The following ADARB2 variants were observed in gnomAD, a reference collection of about 807,000 sequenced individuals.
ADARB2 encodes inactive double-stranded RNA-specific editase B2.
Under a neutral mutation model 62.2 loss-of-function variants are expected in ADARB2, and 25 were observed. The ratio of observed to expected loss-of-function variants is 0.40; its 90% CI spans 0.29 to 0.56. The LOEUF (loss-of-function observed/expected upper bound fraction) is 0.56, where lower values mean the gene tolerates loss of function less well. Ranked by LOEUF, ADARB2 falls within the 20% of genes least tolerant of loss-of-function variation. ADARB2 has a pLI of 0.43. For missense variants in ADARB2, 1,071 were observed against 1,077.4 expected, an observed-to-expected ratio of 0.99 and a Z score of 0.08; for synonymous variants, 572 against 500.8, an observed-to-expected ratio of 1.14 and a Z score of -1.90.
At chr10:1,328,164 G>T (rs1311560031) in intron 3 of ADARB2, among the ~76,000 whole-genome samples, 4 of 152,228 alleles carry the variant, frequency 2.6e-5, no homozygotes, top group Non-Finnish European at 5.9e-5. Flanking sequence ...TGAAATAGAG[G>T]AGTCAGTGTG....
In ADARB2 at chr10:1,247,992, A is replaced by G. The variant is rs1446874304; in HGVS notation, c.1193-5693T>C. On this transcript the variant is annotated intron_variant, in intron 4 of 9. Transcript: ENST00000381312. ...ATGCCAAGCCGTATGGACACCAAAA[A>G]TGCTCTGCACTCAATGAGCAATGCT... is the stretch of plus-strand genomic sequence containing the variant. Among the ~76,000 whole-genome samples the G allele has an allele frequency of 2.0e-5, 3 of 152,220 alleles. 1 individual carries two copies. The highest frequency in any genetic ancestry group is 4.1e-4 in the South Asian group (2 of 4,828).
chr10:1,539,796 T>C (rs4448618), intron 1 of ADARB2, among the ~76,000 whole-genome samples: 1 of 152,240 alleles, frequency 6.6e-6, no homozygotes, highest in Non-Finnish European at 1.5e-5. Flanking sequence ...AATTACATAA[T>C]GTAAAACAAA....
chr10:1,543,323 C>T (rs1832468257), intron 1 of ADARB2, among the ~76,000 whole-genome samples: 1 of 152,346 alleles, frequency 6.6e-6, no homozygotes, highest in East Asian at 1.9e-4. Context: ...GTCTGCAGTG[C>T]AGTCAAGGCC....
At chr10:1,380,593 A>G (rs1417602566) in intron 1 of ADARB2, among the ~76,000 whole-genome samples, 2 of 152,206 alleles carry the variant, frequency 1.3e-5, no homozygotes, top group Non-Finnish European at 2.9e-5. Flanking sequence ...CTCCTTAGCC[A>G]AGATTTCCAG....
chr10:1,727,193 A>G (rs537321558), intron 1 of ADARB2, among the ~76,000 whole-genome samples: 39 of 152,334 alleles, frequency 2.6e-4, no homozygotes, highest in African/African-American at 9.1e-4. Context: ...GACAATCTCT[A>G]TGCTGGTTTC....
intron 1 of ADARB2, among the ~76,000 whole-genome samples, chr10:1,518,665 A>T (rs555215725): frequency 1.1e-3 from 158 of 146,912 alleles, no homozygotes; most frequent in African/African-American, 2.1e-3. Context: ...GCCATATGCA[A>T]GTATTCCGTG....
chr10:1,210,034 G>A (rs1837128578), intron 7 of ADARB2, among the ~76,000 whole-genome samples: 1 of 151,852 alleles, frequency 6.6e-6, no homozygotes, highest in Non-Finnish European at 1.5e-5. Context: ...CCAGAAGAAG[G>A]TCTGCTGTCA....
At chr10:1,633,293 T>C (rs1217416525) in intron 1 of ADARB2, among the ~76,000 whole-genome samples, 1 of 152,104 alleles carries the variant, frequency 6.6e-6, no homozygotes, top group African/African-American at 2.4e-5. Flanking sequence ...AACCTCCCCA[T>C]ACACAGGTTG....
chr10:1,199,005 C>T lies in ADARB2; in HGVS notation c.1864+961G>A, dbSNP rs973373742. Among the ~76,000 whole-genome samples the T allele has an allele frequency of 6.6e-5, 10 of 152,218 alleles. 1 individual carries two copies. The highest frequency in any genetic ancestry group is 8.8e-5 in the Non-Finnish European group (6 of 68,050). On this transcript the variant is annotated intron_variant, in intron 8 of 9. Transcript: ENST00000381312. Reference sequence around the variant, plus strand: ...GAGCGGGGATGGCCTAAGGAAAACGCGCAGAAAAAGAGTGCAGGAGCCACT... The same window carrying T: ...GAGCGGGGATGGCCTAAGGAAAACGTGCAGAAAAAGAGTGCAGGAGCCACT...
At chr10:1,457,379 C>G (rs909392535) in intron 1 of ADARB2, among the ~76,000 whole-genome samples, 1 of 152,060 alleles carries the variant, frequency 6.6e-6, no homozygotes, top group South Asian at 2.1e-4. Context: ...CTTTAAGGTG[C>G]CTTCTCATCT....
intron 1 of ADARB2, among the ~76,000 whole-genome samples, chr10:1,667,810 A>G (rs981744903): frequency 2.0e-5 from 3 of 152,234 alleles, no homozygotes; most frequent in South Asian, 2.1e-4. Flanking sequence ...TTCCATTTGT[A>G]TTAATTCTCT....
chr10:1,457,161 T>A (rs1266340088), intron 1 of ADARB2, among the ~76,000 whole-genome samples: 1 of 152,136 alleles, frequency 6.6e-6, no homozygotes, highest in African/African-American at 2.4e-5. Context: ...ATAAAACCAC[T>A]CAAAACTACA....
At chr10:1,708,201 C>G (rs1386886071) in intron 1 of ADARB2, among the ~76,000 whole-genome samples, 3 of 152,048 alleles carry the variant, frequency 2.0e-5, no homozygotes, top group African/African-American at 7.2e-5. Flanking sequence ...TCTTTTGATG[C>G]CTGTTCAAAG....
chr10:1,633,549 C>CATATATCTATCT lies in ADARB2; in HGVS notation c.100+103501_100+103502insAGATAGATATAT, dbSNP rs113694941. On this transcript the variant is annotated intron_variant, in intron 1 of 9. Transcript: ENST00000381312. Reference sequence around the variant, plus strand: ...TCTGTCTGTCTGTCTGTCTATCTATCATCTATCTATCTATCTATCTATCTA... The same window carrying CATATATCTATCT: ...TCTGTCTGTCTGTCTGTCTATCTATCATATATCTATCTATCTATCTATCTATCTATCTATCTA... Among the ~76,000 whole-genome samples the CATATATCTATCT allele has an allele frequency of 9.6e-4, 98 of 101,704 alleles. 1 individual carries two copies. The highest frequency in any genetic ancestry group is 4.2e-3 in the South Asian group (12 of 2,868). 66.7% of individuals were successfully genotyped at this position (101,704 alleles called of 152,430 possible). A position where few individuals can be genotyped will look rare whatever the true frequency, so the allele number is the denominator to read the frequency against.
In ADARB2 at chr10:1,420,572, C is replaced by T. The variant is rs1453496828; in HGVS notation, c.101-41412G>A. Among the ~76,000 whole-genome samples, 4 of 140,484 alleles carry T rather than the reference C, an allele frequency of 2.8e-5. No individual in the cohort carries two copies. In the South Asian group the frequency reaches 7.0e-4, roughly 24 times the overall value. 92.2% of individuals were successfully genotyped at this position (140,484 alleles called of 152,430 possible). ...GTTTTTCATGATGAAGAATCAAATC[C>T]TTGATAAATGATGGCAGGTCCTCAT... On this transcript the variant is annotated intron_variant, in intron 1 of 9. Transcript: ENST00000381312.
intron 2 of ADARB2, 75 bp downstream of exon 2, chr10:1,378,999 T>G: frequency 1.0e-5 from 13 of 1,273,960 alleles, no homozygotes; most frequent in East Asian, 2.3e-5. Context: ...TATCTCAGGT[T>G]TTGGGGACTG....
At chr10:1,510,146 T>TTCTC (rs1358777143) in intron 1 of ADARB2, among the ~76,000 whole-genome samples, 7 of 146,370 alleles carry the variant, frequency 4.8e-5, no homozygotes, top group Admixed American at 6.9e-5. Context: ...CTTTCTTTCT[T>TTCTC]TCTTTCTTTC....
intron 1 of ADARB2, among the ~76,000 whole-genome samples, chr10:1,389,697 C>T (rs1005743261): frequency 5.3e-5 from 8 of 151,760 alleles, no homozygotes; most frequent in East Asian, 1.9e-4. Context: ...GAGCTGAGAT[C>T]GTGCCACCGC....
chr10:1,633,553 T>TATC (rs1430558488), intron 1 of ADARB2, among the ~76,000 whole-genome samples: 2 of 62,610 alleles, frequency 3.2e-5, no homozygotes, highest in African/African-American at 7.4e-5. Flanking sequence ...ATCTATCATC[T>TATC]ATCTATCTAT....
Sources: allele counts gnomAD v4.1 joint callset (sites outside exome capture counted in the v4.1 genomes callset), GRCh38; gene constraint gnomAD v4.1.1; transcripts MANE v1.5; gene names NCBI Gene and HGNC (gene_info 2026-07-23, HGNC 2026-07-21).